The following NNT variants were observed in gnomAD, a reference collection of about 807,000 sequenced individuals.
The protein encoded by NNT is NAD(P) transhydrogenase, mitochondrial.
In NNT, 50 loss-of-function variants were observed where a neutral mutation model predicts 104.8. That is an observed-to-expected ratio of 0.48 (90% CI 0.38 to 0.60). NNT has a LOEUF of 0.60. Among genes scored for constraint, NNT ranks in the 20% least tolerant of loss-of-function variants. NNT has a pLI of 0.00. For synonymous variants in NNT, 461 were observed against 490.4 expected (o/e 0.94, Z 0.79); for missense variants, 1,131 against 1,330.7 (o/e 0.85, Z 2.33).
Position 43,670,725 on chromosome 5 carries a change from G to A in NNT, c.2635-4786G>A, listed in dbSNP as rs183507766. On this transcript the variant is annotated intron_variant, in intron 17 of 21. Transcript: ENST00000344920. ...ACGTATGTGGTCAATTTTGGAATAA[G>A]TGCAGTGTGGTGCTGAGAAGAATGT... Among the ~76,000 whole-genome samples, 26 of 152,342 alleles carry A rather than the reference G, an allele frequency of 1.7e-4. No individual in the cohort carries two copies. The East Asian group carries it at 4.8e-3, about 28-fold the overall frequency.
At position 43,706,432 on chromosome 5, in the gene NNT, T is replaced by TA. The variant is rs1219141254; in HGVS notation, c.*2035dup. On this transcript the variant is annotated 3_prime_UTR_variant, in exon 22 of 22. Coordinates refer to ENST00000344920, the MANE Select transcript of NNT (RefSeq NM_182977.3). ...TTTATGATATTTAAGTATAAATAAT[T>TA]AAAAAAATTTATTGTACCTTATAGT... The TA allele has an allele frequency of 6.6e-6, 1 of 151,688 alleles. No homozygotes were observed. The highest frequency in any genetic ancestry group is 1.5e-5 in the Non-Finnish European group (1 of 67,888). The allele number at this position is 151,688 out of a possible 1,614,324, so 9.4% of individuals were successfully genotyped here.
chr5:43,666,743 G>GTCC, intron 17 of NNT: 1 of 1,230,932 alleles, frequency 8.1e-7, no homozygotes, highest in Non-Finnish European at 1.1e-6. Flanking sequence ...CAGTCCTTCT[G>GTCC]TCCTCACGTT....
intron 18 of NNT, 135 bp downstream of exon 18, chr5:43,675,805 G>C (rs981827226): frequency 1.6e-6 from 1 of 642,672 alleles, no homozygotes; most frequent in Non-Finnish European, 2.4e-6. Context: ...GCAAATCTAT[G>C]ATTACTAAGT....
In NNT at chr5:43,651,780, C is replaced by T. The variant is rs370684169; in HGVS notation, c.1759C>T (p.Arg587Cys). 1.9e-5 allele frequency: 30 copies of T among 1,613,966 alleles called. No homozygotes were observed. The highest frequency in any genetic ancestry group is 4.0e-5 in the African/African-American group (3 of 74,884). Residue 587 changes from arginine to cysteine, a missense_variant, in exon 13 of 22, where the codon CGT (arginine) becomes TGT (cysteine). By Grantham distance (180) the Arg-to-Cys change is radical. Transcript: ENST00000344920. ...TCAGAGAATGCTGGACATGTTCAAG[C>T]GTCCCACTGACCCCCCAGAATACAA... ...VTQRMLDMFK[R>C]PTDPPEYNYL...
chr5:43,693,103 A>AG (rs1353316075), intron 19 of NNT, among the ~76,000 whole-genome samples: 2 of 151,304 alleles, frequency 1.3e-5, no homozygotes, highest in African/African-American at 4.9e-5. Flanking sequence ...CCTGAACCTG[A>AG]GGGATTATTC....
chr5:43,613,239 T>C (rs1749596977), intron 3 of NNT, 102 bp downstream of exon 3: 3 of 884,476 alleles, frequency 3.4e-6, no homozygotes, highest in Admixed American at 2.9e-5. Flanking sequence ...CCTTTTCCTA[T>C]TTTCAAACAG....
At chr5:43,635,937 T>C (rs1750910192) in intron 7 of NNT, among the ~76,000 whole-genome samples, 2 of 152,144 alleles carry the variant, frequency 1.3e-5, no homozygotes, top group Non-Finnish European at 1.5e-5. Context: ...ATAACAAATG[T>C]AGATTTTTGT....
intron 17 of NNT, among the ~76,000 whole-genome samples, chr5:43,665,756 ACGGGG>A (rs1435607637): frequency 5.8e-5 from 8 of 137,726 alleles, no homozygotes; most frequent in Non-Finnish European, 1.0e-4. Flanking sequence ...CACCTCCCAG[ACGGGG>A]TGGTGGCCGG....
At chr5:43,641,785 T>C (rs1401612729) in intron 7 of NNT, among the ~76,000 whole-genome samples, 1 of 152,184 alleles carries the variant, frequency 6.6e-6, no homozygotes, top group African/African-American at 2.4e-5. Context: ...ATGCTATTGT[T>C]TTAAAAGTGA....
In NNT at chr5:43,628,311, C is replaced by T; in HGVS notation, c.888C>T (p.Phe296=). ...ATGCAAAAGAGATGTCCAAAGAGTT[C>T]ATTGAAGCTGAAATGAAACTCTTTG... ...GGYAKEMSKE[F]IEAEMKLFAQ... Residue 296 remains phenylalanine (F), a synonymous_variant, in exon 7 of 22, where the codon TTC becomes TTT. Coordinates refer to ENST00000344920, the MANE Select transcript of NNT (RefSeq NM_182977.3). 6.2e-7 allele frequency: 1 copy of T among 1,613,792 alleles called. No homozygotes were observed. The highest frequency in any genetic ancestry group is 8.5e-7 in the Non-Finnish European group (1 of 1,179,908).
chr5:43,660,314 T>TAAA (rs70997424), intron 17 of NNT, among the ~76,000 whole-genome samples: 15,156 of 152,162 alleles, frequency 0.1, 881 homozygotes, highest in African/African-American at 0.15. Flanking sequence ...GATGGTTTTT[T>TAAA]AAAAGAACAG....
intron 19 of NNT, among the ~76,000 whole-genome samples, chr5:43,685,486 T>C (rs13183124): frequency 6.6e-6 from 1 of 151,924 alleles, no homozygotes; most frequent in Non-Finnish European, 1.5e-5. Flanking sequence ...AAAGAGCTTA[T>C]TTTTTTTAAA....
chr5:43,688,560 AC>A (rs1411799420), intron 19 of NNT, among the ~76,000 whole-genome samples: 2 of 151,512 alleles, frequency 1.3e-5, no homozygotes, highest in African/African-American at 2.4e-5. Flanking sequence ...ATCCCTTGCC[AC>A]CCCCACCCTT....
intron 19 of NNT, among the ~76,000 whole-genome samples, chr5:43,697,470 A>G (rs1190222971): frequency 2.0e-5 from 3 of 151,968 alleles, no homozygotes; most frequent in Non-Finnish European, 4.4e-5. Context: ...AGCCCTCTAA[A>G]CTGTTCCAGC....
Position 43,653,026 on chromosome 5 carries a change from C to T in NNT, c.1872C>T (p.Tyr624=). The stretch of plus-strand genomic sequence containing the variant: ...ACTTTTCCTTTGAAAAGATCATGTA[C>T]CTAGGCTCGGGTTTGTGCTGTGTCG... ...YSGYNIEQIM[Y]LGSGLCCVGA... is the part of the protein sequence containing the mutation. Residue 624 remains tyrosine, a synonymous_variant, in exon 14 of 22, where the codon TAC becomes TAT. Coordinates refer to ENST00000344920, the MANE Select transcript of NNT (RefSeq NM_182977.3). 2 of 1,611,758 alleles carry T rather than the reference C, an allele frequency of 1.2e-6. No individual in the cohort carries two copies. Among genetic ancestry groups the T allele is most frequent in the Non-Finnish European group, 8.5e-7 (1 of 1,178,510 alleles).
chr5:43,607,783 C>T (rs1468069530), intron 1 of NNT, among the ~76,000 whole-genome samples: 1 of 152,100 alleles, frequency 6.6e-6, no homozygotes, highest in Non-Finnish European at 1.5e-5. Context: ...AAGTCTTTCT[C>T]CCTCTGGAGT....
At chr5:43,682,204 G>T (rs1165525733) in intron 19 of NNT, among the ~76,000 whole-genome samples, 2 of 139,230 alleles carry the variant, frequency 1.4e-5, no homozygotes, top group African/African-American at 5.3e-5. Flanking sequence ...TGTCTAACTG[G>T]ATTCTTTTTT....
chr5:43,655,785 G>A, intron 14 of NNT, 55 bp from the exon 15 acceptor site: 1 of 1,220,506 alleles, frequency 8.2e-7, no homozygotes, highest in Non-Finnish European at 1.2e-6. Context: ...TCTTTGTTGT[G>A]GTTACTTCTC....
intron 4 of NNT, among the ~76,000 whole-genome samples, chr5:43,617,108 T>C (rs1250357782): frequency 6.6e-6 from 1 of 152,226 alleles, no homozygotes; most frequent in Admixed American, 6.5e-5. Flanking sequence ...TAAATTTATT[T>C]AGCCTGTAAG....
Sources: allele counts gnomAD v4.1 joint callset (sites outside exome capture counted in the v4.1 genomes callset), GRCh38; gene constraint gnomAD v4.1.1; transcripts MANE v1.5; gene names NCBI Gene and HGNC (gene_info 2026-07-23, HGNC 2026-07-21).